Variants in XRRA1 observed in about 807,000 individuals in gnomAD.
The protein encoded by XRRA1 is X-ray radiation resistance associated 1.
A neutral mutation model predicts 80.2 loss-of-function variants in XRRA1; 69 were observed. That is an observed-to-expected ratio of 0.86 (90% CI 0.71 to 1.05). The LOEUF (loss-of-function observed/expected upper bound fraction) is 1.05, where lower values mean the gene tolerates loss of function less well. Ranked by LOEUF, XRRA1 falls within the 50% of genes least tolerant of loss-of-function variation. XRRA1 has a pLI of 0.00. For synonymous variants in XRRA1, 348 were observed against 389.9 expected (o/e 0.89, Z 1.27); for missense variants, 967 against 976.4 (o/e 0.99, Z 0.13).
chr11:74,853,093 C>A (rs975951387), intron 12 of XRRA1, among the ~76,000 whole-genome samples: 1 of 152,216 alleles, frequency 6.6e-6, no homozygotes, highest in Admixed American at 6.5e-5. Context: ...AAAACAGACA[C>A]AATTTCTGCC....
chr11:74,919,762 C>T, intron 8 of XRRA1: 1 of 451,490 alleles, frequency 2.2e-6, no homozygotes, highest in Non-Finnish European at 4.3e-6. Context: ...GAGATGGGAA[C>T]TCTAGATGTG....
chr11:74,855,272 C>A (rs899503103), intron 12 of XRRA1, among the ~76,000 whole-genome samples: 1 of 151,958 alleles, frequency 6.6e-6, no homozygotes, highest in Non-Finnish European at 1.5e-5. Flanking sequence ...CTTGTGTGTG[C>A]AAATCAAGGG....
intron 10 of XRRA1, among the ~76,000 whole-genome samples, chr11:74,896,834 G>A (rs769100459): frequency 2.6e-5 from 4 of 152,242 alleles, no homozygotes; most frequent in African/African-American, 9.6e-5. Flanking sequence ...CCAAGATGGT[G>A]CATGTACAAG....
chr11:74,941,115 C>T (rs190525642), intron 2 of XRRA1, among the ~76,000 whole-genome samples: 3 of 152,238 alleles, frequency 2.0e-5, no homozygotes, highest in South Asian at 4.1e-4. Flanking sequence ...CCAATGGAAC[C>T]CTAGAAAGAA....
chr11:74,903,154 AT>A (rs2053893518), intron 10 of XRRA1, among the ~76,000 whole-genome samples: 1 of 152,208 alleles, frequency 6.6e-6, no homozygotes, highest in South Asian at 2.1e-4. Flanking sequence ...TGAAGCAACT[AT>A]TTTGAAGAAC....
chr11:74,851,971 G>A lies in XRRA1; in HGVS notation c.1264+18C>T. 1.2e-6 allele frequency: 2 copies of A among 1,609,990 alleles called. No homozygotes were observed. Among genetic ancestry groups the A allele is most frequent in the Non-Finnish European group, 1.7e-6 (2 of 1,176,276 alleles). On this transcript the variant is annotated intron_variant, in intron 13 of 18. Transcript: ENST00000684022. ...TTGGGCACTGGGTTGAGAGGGGGCA[G>A]GTTTGCGGGCACTATACCTCGTGTA...
chr11:74,872,057 G>GCAGT lies in XRRA1; in HGVS notation c.1004-9040_1004-9037dup, dbSNP rs1734530494. Among the ~76,000 whole-genome samples, 3 of 152,258 alleles carry GCAGT rather than the reference G, an allele frequency of 2.0e-5. No individual in the cohort carries two copies. The South Asian group carries it at 6.2e-4, about 32-fold the overall frequency. On this transcript the variant is annotated intron_variant, in intron 10 of 18. Transcript: ENST00000684022. Reference sequence around the variant, plus strand: ...CCATCATTCCCAGTAGAGAAGAGAGGCAGTACCTCTTGACAACCCTGATTT... The same window carrying GCAGT: ...CCATCATTCCCAGTAGAGAAGAGAGGCAGTCAGTACCTCTTGACAACCCTGATTT...
intron 14 of XRRA1, among the ~76,000 whole-genome samples, chr11:74,850,601 CACTT>C (rs1215058531): frequency 2.0e-5 from 3 of 152,234 alleles, no homozygotes; most frequent in African/African-American, 7.2e-5. Flanking sequence ...AGAGGGATTT[CACTT>C]ACTTTATGGC....
intron 1 of XRRA1, among the ~76,000 whole-genome samples, chr11:74,947,168 G>T (rs979435637): frequency 6.6e-6 from 1 of 152,198 alleles, no homozygotes; most frequent in Admixed American, 6.5e-5. Context: ...AGTGGGTGAA[G>T]AAAGAAGAAG....
chr11:74,886,235 T>C (rs1472895173), intron 10 of XRRA1, among the ~76,000 whole-genome samples: 1 of 152,050 alleles, frequency 6.6e-6, no homozygotes, highest in African/African-American at 2.4e-5. Context: ...GAGAAAGAAA[T>C]GAGAGGCCTC....
intron 8 of XRRA1, among the ~76,000 whole-genome samples, chr11:74,916,463 A>G (rs981511528): frequency 1.1e-4 from 17 of 151,934 alleles, no homozygotes; most frequent in Non-Finnish European, 4.4e-5. Context: ...GAAACTCTCC[A>G]GTGAATTTTT....
At chr11:74,902,446 T>G (rs1257362169) in intron 10 of XRRA1, among the ~76,000 whole-genome samples, 82 of 152,286 alleles carry the variant, frequency 5.4e-4, no homozygotes, top group African/African-American at 2.0e-3. Context: ...AATCGGTATA[T>G]CAGAGAGATA....
intron 3 of XRRA1, among the ~76,000 whole-genome samples, chr11:74,937,954 C>T (rs1239199699): frequency 1.3e-5 from 2 of 152,200 alleles, no homozygotes; most frequent in African/African-American, 4.8e-5. Flanking sequence ...TGTCTTATAG[C>T]CCCTGCCCAC....
At chr11:74,932,025 T>G (rs1943699555) in intron 5 of XRRA1, among the ~76,000 whole-genome samples, 1 of 152,166 alleles carries the variant, frequency 6.6e-6, no homozygotes, top group South Asian at 2.1e-4. Context: ...CCTTTCAAGT[T>G]CCTCTTCTGT....
Position 74,843,016 on chromosome 11 carries a change from A to C in XRRA1, c.*184T>G, listed in dbSNP as rs377764208. 33 of 767,708 alleles carry C rather than the reference A, an allele frequency of 4.3e-5. No individual in the cohort carries two copies. The highest frequency in any genetic ancestry group is 3.7e-4 in the African/African-American group (21 of 57,098). The allele number at this position is 767,708 out of a possible 1,614,324, so 47.6% of individuals were successfully genotyped here. On this transcript the variant is annotated 3_prime_UTR_variant, in exon 19 of 19. Transcript: ENST00000684022. ...TTGCCGCTGGGCCAGGCACCAGGTC[A>C]TGCCTGGGCCAAGGAGGGGAGATCC...
chr11:74,891,119 A>C (rs1217158316), intron 10 of XRRA1, among the ~76,000 whole-genome samples: 1 of 152,224 alleles, frequency 6.6e-6, no homozygotes, highest in African/African-American at 2.4e-5. Context: ...ATTTTAGACC[A>C]ATATCCCTGA....
At chr11:74,866,233 G>T (rs1018673936) in intron 10 of XRRA1, among the ~76,000 whole-genome samples, 1 of 151,948 alleles carries the variant, frequency 6.6e-6, no homozygotes, top group Non-Finnish European at 1.5e-5. Flanking sequence ...ATTTTTTTGG[G>T]TTTTTTTATT....
intron 12 of XRRA1, 90 bp from the exon 13 acceptor site, chr11:74,852,172 CT>C: frequency 9.2e-7 from 1 of 1,089,470 alleles, no homozygotes; most frequent in South Asian, 1.3e-5. Flanking sequence ...GGGCTACATG[CT>C]TGCTAGGATT....
intron 1 of XRRA1, among the ~76,000 whole-genome samples, chr11:74,948,378 C>A (rs1423648328): frequency 1.3e-5 from 2 of 149,568 alleles, no homozygotes; most frequent in African/African-American, 5.0e-5. Flanking sequence ...TAATACAATA[C>A]TGCTATTTGA....
Sources: gnomAD v4.1 joint callset for allele counts (sites outside exome capture counted in the v4.1 genomes callset) on GRCh38, gnomAD v4.1.1 for gene constraint, MANE v1.5 for transcripts, NCBI Gene and HGNC (gene_info 2026-07-23, HGNC 2026-07-21) for gene names.